Variants in PCDHA6 observed in about 807,000 individuals in gnomAD.
The protein encoded by PCDHA6 is protocadherin alpha-6.
In PCDHA6, 55 loss-of-function variants were observed where a neutral mutation model predicts 60.3. That is an observed-to-expected ratio of 0.91 (90% confidence interval 0.73 to 1.14). PCDHA6 has a LOEUF of 1.14. Ranked by LOEUF, PCDHA6 falls within the 50% of genes most tolerant of loss-of-function variation. The probability of loss-of-function intolerance (pLI) is 0.00; values close to 1 mark genes in which losing one functional copy is unlikely to be tolerated. For synonymous variants in PCDHA6, 652 were observed against 557.9 expected (o/e 1.17, Z -2.38); for missense variants, 1,327 against 1,256.5 (o/e 1.06, Z -0.85).
At chr5:140,839,918 C>T (rs1234582853) in intron 1 of PCDHA6, among the ~76,000 whole-genome samples, 1 of 151,872 alleles carries the variant, frequency 6.6e-6, no homozygotes, top group South Asian at 2.1e-4. Flanking sequence ...GAAGAAAAAC[C>T]TTGAACAAAG....
chr5:140,867,676 G>T (rs2050100182), intron 1 of PCDHA6: 1 of 151,988 alleles, frequency 6.6e-6, no homozygotes, highest in Admixed American at 6.6e-5. Flanking sequence ...CTAAAATTTT[G>T]TTGCATCTTC....
At chr5:141,005,650 C>T (rs1262025643) in intron 3 of PCDHA6, among the ~76,000 whole-genome samples, 4 of 126,784 alleles carry the variant, frequency 3.2e-5, no homozygotes, top group African/African-American at 9.3e-5. Context: ...TGCAGTGAGT[C>T]GAGATCGCGC....
At chr5:140,874,672 C>A (rs2055057233) in intron 1 of PCDHA6, among the ~76,000 whole-genome samples, 1 of 152,126 alleles carries the variant, frequency 6.6e-6, no homozygotes, top group South Asian at 2.1e-4. Flanking sequence ...GAATCTATTC[C>A]TGAGATTTGT....
At position 140,928,998 on chromosome 5, in the gene PCDHA6, C is replaced by G. The variant is rs1448389331; in HGVS notation, c.2395-49951C>G. On this transcript the variant is annotated intron_variant, in intron 1 of 3. Coordinates refer to ENST00000529310, the MANE Select transcript of PCDHA6 (RefSeq NM_018909.4). The stretch of plus-strand genomic sequence containing the variant: ...TATTTCTGGGGTGCTTACTTTTCTT[C>G]GTGTGTACCAAGTTGCACCAGAGCC... The G allele has an allele frequency of 8.1e-6, 13 of 1,613,784 alleles. No individual in the cohort carries two copies. The Admixed American group carries it at 2.2e-4, about 27-fold the overall frequency.
chr5:140,852,859 C>T, intron 1 of PCDHA6: 1 of 960,834 alleles, frequency 1.0e-6, no homozygotes. Context: ...TAAGCATTTA[C>T]TATGTCATCA....
chr5:140,932,562 G>A lies in PCDHA6; in HGVS notation c.2395-46387G>A, dbSNP rs566002035. The stretch of plus-strand genomic sequence containing the variant: ...TTATTTAACATACATTCCACAAGTA[G>A]ACTTTCCCATAGGGTAATTAGATGT... On this transcript the variant is annotated intron_variant, in intron 1 of 3. Coordinates refer to ENST00000529310, the MANE Select transcript of PCDHA6 (RefSeq NM_018909.4). Among the ~76,000 whole-genome samples the A allele has an allele frequency of 1.9e-4, 29 of 151,988 alleles. No individual in the cohort carries two copies. The South Asian group carries it at 6.0e-3, about 32-fold the overall frequency.
Position 140,870,844 on chromosome 5 carries a change from C to T in PCDHA6, c.2394+40359C>T. The T allele has an allele frequency of 3.1e-6, 5 of 1,613,832 alleles. No homozygotes were observed. The highest frequency in any genetic ancestry group is 4.2e-6 in the Non-Finnish European group (5 of 1,179,882). ...GGGAGGCGCAGTTAACAAGCTAGTA[C>T]CGCGGTCGGTGGGTGCGGGCCACGT... On this transcript the variant is annotated intron_variant, in intron 1 of 3. Transcript: ENST00000529310.
rs151249575 is a variant in PCDHA6, at chr5:140,920,220, T to TTATA, written c.2395-58728_2395-58725dup. 8.8e-3 allele frequency among the ~76,000 whole-genome samples: 1,344 copies of TTATA among 152,322 alleles called. 13 individuals carry two copies. The highest frequency in any genetic ancestry group is 0.031 in the African/African-American group (1,300 of 41,558). On this transcript the variant is annotated intron_variant, in intron 1 of 3. Coordinates refer to ENST00000529310, the MANE Select transcript of PCDHA6 (RefSeq NM_018909.4). ...GCAGCCACAGAAAACCAATGCACAT[T>TTATA]TATAGTATTATATACCCAACAATAC...
intron 1 of PCDHA6, among the ~76,000 whole-genome samples, chr5:140,943,004 C>T (rs1248261862): frequency 6.6e-6 from 1 of 151,842 alleles, no homozygotes; most frequent in East Asian, 1.9e-4. Context: ...TGCCTGTAAT[C>T]CCAGCACTTT....
intron 1 of PCDHA6, chr5:140,855,985 T>C (rs1308397078): frequency 1.4e-6 from 2 of 1,473,214 alleles, no homozygotes; most frequent in East Asian, 2.3e-5. Flanking sequence ...GGACAGAAAA[T>C]GTCAGATCGT....
intron 1 of PCDHA6, among the ~76,000 whole-genome samples, chr5:140,840,609 G>A (rs1554137827): frequency 1.3e-5 from 2 of 151,994 alleles, no homozygotes; most frequent in Admixed American, 1.3e-4. Context: ...TAAGTGAGAG[G>A]CTGAATTTAA....
chr5:140,998,565 A>G, intron 3 of PCDHA6, among the ~76,000 whole-genome samples: 1 of 113,790 alleles, frequency 8.8e-6, no homozygotes. Context: ...TTTATTGTAA[A>G]TAAGTTTTTT....
Position 141,010,021 on chromosome 5 carries a change from T to C in PCDHA6, c.*84T>C. 1 of 1,572,108 alleles carries C rather than the reference T, an allele frequency of 6.4e-7. No individual in the cohort carries two copies. The highest frequency in any genetic ancestry group is 1.9e-5 in the Admixed American group (1 of 52,756). On this transcript the variant is annotated 3_prime_UTR_variant, in exon 4 of 4. Coordinates refer to ENST00000529310, the MANE Select transcript of PCDHA6 (RefSeq NM_018909.4). ...CATGTAGCAATTCCCTGCTCCTTTTTCCTATCTACATGAGCCCTCTTAGAG... is the reference window on the plus strand; with the variant it reads ...CATGTAGCAATTCCCTGCTCCTTTTCCCTATCTACATGAGCCCTCTTAGAG...
intron 1 of PCDHA6, among the ~76,000 whole-genome samples, chr5:140,887,101 C>CTT (rs200717289): frequency 4.1e-5 from 6 of 145,304 alleles, no homozygotes; most frequent in African/African-American, 1.0e-4. Context: ...ATCTTTATCT[C>CTT]TTTTTTTTTT....
rs146837800 is a variant in PCDHA6 at position 140,833,801 on chromosome 5, A to T, written c.2394+3316A>T. On this transcript the variant is annotated intron_variant, in intron 1 of 3. Coordinates refer to ENST00000529310, the MANE Select transcript of PCDHA6 (RefSeq NM_018909.4). ...AAGTTTCTCTTTCATCAATCAGTAGATTCTTGAGATCCTGGGTCCCTAAAA... is the reference window on the plus strand; with the variant it reads ...AAGTTTCTCTTTCATCAATCAGTAGTTTCTTGAGATCCTGGGTCCCTAAAA... Among the ~76,000 whole-genome samples, 141 of 152,240 alleles carry T rather than the reference A, an allele frequency of 9.3e-4. 1 individual carries two copies. The highest frequency in any genetic ancestry group is 3.3e-3 in the African/African-American group (136 of 41,550).
intron 1 of PCDHA6, chr5:140,883,520 G>T (rs1554178526): frequency 6.2e-7 from 1 of 1,614,104 alleles, no homozygotes; most frequent in African/African-American, 1.3e-5. Context: ...CCGCGAGAGC[G>T]TATCAGCCTA....
intron 1 of PCDHA6, among the ~76,000 whole-genome samples, chr5:140,832,012 G>A (rs2150199048): frequency 7.9e-5 from 12 of 152,234 alleles, no homozygotes; most frequent in Admixed American, 1.3e-4. Context: ...TTCATTTTAC[G>A]TAAAGATTGA....
chr5:140,978,406 T>C (rs1268497033), intron 1 of PCDHA6, among the ~76,000 whole-genome samples: 1 of 152,206 alleles, frequency 6.6e-6, no homozygotes, highest in African/African-American at 2.4e-5. Context: ...CCCTCTTCAA[T>C]CAGAAAAGAG....
intron 1 of PCDHA6, chr5:140,842,837 A>G: frequency 6.3e-7 from 1 of 1,593,660 alleles, no homozygotes; most frequent in South Asian, 1.1e-5. Context: ...CTCGCTGTCG[A>G]GCTACATTTC....
Sources: allele counts gnomAD v4.1 joint callset (sites outside exome capture counted in the v4.1 genomes callset), GRCh38; gene constraint gnomAD v4.1.1; transcripts MANE v1.5; gene names NCBI Gene and HGNC (gene_info 2026-07-23, HGNC 2026-07-21).